XKR6: variants seen among roughly 807,000 people sequenced by gnomAD.
XKR6 encodes XK related 6, also known as XK-related protein 6.
Under a neutral mutation model 56.7 loss-of-function variants are expected in XKR6, and 22 were observed. The observed-to-expected ratio is 0.39, with a 90% CI of 0.28 to 0.55. XKR6 has a LOEUF of 0.55. XKR6 is among the 20% of genes least tolerant of loss of function. XKR6 has a pLI of 0.66. For synonymous variants in XKR6, 524 were observed against 387.8 expected (o/e 1.35, Z -4.13); for missense variants, 852 against 889.0 (o/e 0.96, Z 0.53).
At chr8:11,059,796 G>A (rs1799785945) in intron 1 of XKR6, among the ~76,000 whole-genome samples, 1 of 152,010 alleles carries the variant, frequency 6.6e-6, no homozygotes, top group African/African-American at 2.4e-5. Context: ...CCCCGCTGGA[G>A]CGCGGTCCAC....
intron 1 of XKR6, among the ~76,000 whole-genome samples, chr8:11,023,941 G>A (rs1464027266): frequency 2.0e-5 from 3 of 152,186 alleles, no homozygotes; most frequent in Admixed American, 2.0e-4. Context: ...AACCCTACGA[G>A]AAGAATAGGG....
chr8:10,914,287 C>T (rs900532468), intron 2 of XKR6, among the ~76,000 whole-genome samples: 3 of 152,120 alleles, frequency 2.0e-5, no homozygotes, highest in Non-Finnish European at 1.5e-5. Flanking sequence ...TTCGGAGCCT[C>T]TTCCTGAGTA....
intron 1 of XKR6, among the ~76,000 whole-genome samples, chr8:11,070,839 A>G (rs1800096002): frequency 6.6e-6 from 1 of 152,230 alleles, no homozygotes; most frequent in Non-Finnish European, 1.5e-5. Context: ...ACCAAGGATC[A>G]AGACGGAAGC....
At chr8:10,977,850 T>A (rs1051487980) in intron 1 of XKR6, among the ~76,000 whole-genome samples, 1 of 151,812 alleles carries the variant, frequency 6.6e-6, no homozygotes, top group Non-Finnish European at 1.5e-5. Flanking sequence ...AGTTAACTTT[T>A]GAAAAGCTAA....
At chr8:11,065,741 C>G (rs913760937) in intron 1 of XKR6, among the ~76,000 whole-genome samples, 1 of 152,210 alleles carries the variant, frequency 6.6e-6, no homozygotes, top group African/African-American at 2.4e-5. Context: ...CGGAGCCTTT[C>G]CTGATAACTC....
At chr8:11,057,568 C>A (rs905153216) in intron 1 of XKR6, among the ~76,000 whole-genome samples, 3 of 152,212 alleles carry the variant, frequency 2.0e-5, no homozygotes, top group African/African-American at 7.2e-5. Flanking sequence ...GTGAGGCATT[C>A]CCATGAGTTC....
At chr8:10,943,015 C>G (rs545516489) in intron 1 of XKR6, among the ~76,000 whole-genome samples, 1 of 152,194 alleles carries the variant, frequency 6.6e-6, no homozygotes, top group Non-Finnish European at 1.5e-5. Context: ...AAAGGAGGGG[C>G]CAGGAAGGCT....
chr8:11,173,713 C>G (rs1303335049), intron 1 of XKR6, among the ~76,000 whole-genome samples: 1 of 152,250 alleles, frequency 6.6e-6, no homozygotes, highest in East Asian at 1.9e-4. Context: ...GGACAGCAAG[C>G]CTTTTTGGCC....
chr8:11,136,367 G>A (rs1162743511), intron 1 of XKR6, among the ~76,000 whole-genome samples: 1 of 152,214 alleles, frequency 6.6e-6, no homozygotes, highest in Non-Finnish European at 1.5e-5. Flanking sequence ...AGCTGGGTGT[G>A]GTGGCGGGTG....
intron 1 of XKR6, chr8:11,137,378 A>C: frequency 5.9e-6 from 2 of 340,220 alleles, no homozygotes; most frequent in South Asian, 4.6e-5. Context: ...AGGATAATAG[A>C]AATCTTTCTT....
intron 1 of XKR6, among the ~76,000 whole-genome samples, chr8:11,068,757 G>A (rs377370494): frequency 3.9e-5 from 6 of 152,188 alleles, no homozygotes; most frequent in Non-Finnish European, 8.8e-5. Context: ...GCTGGACACT[G>A]ATGGTGTGAC....
chr8:10,967,322 G>A (rs1195718100), intron 1 of XKR6, among the ~76,000 whole-genome samples: 1 of 152,184 alleles, frequency 6.6e-6, no homozygotes, highest in Non-Finnish European at 1.5e-5. Context: ...TCACTGTAGG[G>A]GCGTGATAAG....
chr8:10,954,557 T>C (rs1207562579), intron 1 of XKR6, among the ~76,000 whole-genome samples: 1 of 152,236 alleles, frequency 6.6e-6, no homozygotes, highest in Non-Finnish European at 1.5e-5. Flanking sequence ...TGGATACAAG[T>C]CCTTAATCAA....
At chr8:11,060,592 T>G (rs2129163436) in intron 1 of XKR6, among the ~76,000 whole-genome samples, 1 of 152,280 alleles carries the variant, frequency 6.6e-6, no homozygotes, top group East Asian at 1.9e-4. Context: ...ACTAAGAGGT[T>G]ACAAAGTCCT....
At chr8:10,941,872 C>A (rs891242873) in intron 1 of XKR6, among the ~76,000 whole-genome samples, 1 of 152,234 alleles carries the variant, frequency 6.6e-6, no homozygotes, top group Non-Finnish European at 1.5e-5. Flanking sequence ...GCACATAGAA[C>A]CCCAACGGCC....
At chr8:11,121,421 A>C (rs183781808) in intron 1 of XKR6, among the ~76,000 whole-genome samples, 134 of 152,352 alleles carry the variant, frequency 8.8e-4, no homozygotes, top group Non-Finnish European at 1.5e-3. Flanking sequence ...GCAGCCAAAA[A>C]ACACATGAAA....
At chr8:11,074,025 G>A (rs978837840) in intron 1 of XKR6, among the ~76,000 whole-genome samples, 4 of 152,232 alleles carry the variant, frequency 2.6e-5, no homozygotes, top group Non-Finnish European at 4.4e-5. Context: ...AAAAAGCAGA[G>A]AGAGAGATTT....
chr8:11,027,932 G>T (rs1028884638), intron 1 of XKR6, among the ~76,000 whole-genome samples: 5 of 152,058 alleles, frequency 3.3e-5, no homozygotes, highest in African/African-American at 1.2e-4. Flanking sequence ...TGGTGCACTT[G>T]TTGCAATCGA....
intron 1 of XKR6, among the ~76,000 whole-genome samples, chr8:11,139,337 C>T (rs11785237): frequency 6.6e-6 from 1 of 151,964 alleles, no homozygotes; most frequent in Non-Finnish European, 1.5e-5. Context: ...GCAAGGCACA[C>T]GCAGGTAGGG....
Sources: gnomAD v4.1 joint callset for allele counts (sites outside exome capture counted in the v4.1 genomes callset) on GRCh38, gnomAD v4.1.1 for gene constraint, MANE v1.5 for transcripts, NCBI Gene and HGNC (gene_info 2026-07-23, HGNC 2026-07-21) for gene names.